The following C14orf93 variants were observed in gnomAD, a reference collection of about 807,000 sequenced individuals.
The protein encoded by C14orf93 is chromosome 14 open reading frame 93.
A neutral mutation model predicts 44.0 loss-of-function variants in C14orf93; 23 were observed. The observed-to-expected ratio is 0.52, with a 90% CI of 0.38 to 0.74. C14orf93 has a LOEUF of 0.74. Ranked by LOEUF, C14orf93 falls within the 30% of genes least tolerant of loss-of-function variation. The pLI is 0.00. For missense variants in C14orf93, 579 were observed against 678.9 expected, an observed-to-expected ratio of 0.85 and a Z score of 1.64; for synonymous variants, 253 against 265.7, an observed-to-expected ratio of 0.95 and a Z score of 0.46.
chr14:22,987,193 G>C lies in C14orf93; in HGVS notation c.*22C>G. 6.3e-7 allele frequency: 1 copy of C among 1,587,696 alleles called. No individual in the cohort carries two copies. Among genetic ancestry groups the C allele is most frequent in the Non-Finnish European group, 8.6e-7 (1 of 1,164,128 alleles). ...GAGACATGGGGCATGGCGGAAGCCA[G>C]AGTTATTCTTGGCTGTAGATTTTAT... On this transcript the variant is annotated 3_prime_UTR_variant, in exon 7 of 7. Transcript: ENST00000299088. The surrounding 1 kb of genome is among the most constrained non-coding windows in gnomAD (Gnocchi z 5.6).
intron 2 of C14orf93, 46 bp downstream of exon 2, chr14:22,998,381 C>G (rs2046116813): frequency 6.9e-7 from 1 of 1,452,196 alleles, no homozygotes; most frequent in Admixed American, 2.8e-5. Context: ...GAGTGAAAAG[C>G]CAGGAAAAGC....
intron 5 of C14orf93, 79 bp from the exon 6 acceptor site, chr14:22,988,094 C>A: frequency 2.2e-6 from 2 of 913,386 alleles, no homozygotes; most frequent in Non-Finnish European, 1.8e-6. Flanking sequence ...TGCCCTAACA[C>A]TATTGAATGG....
chr14:22,989,121 CG>C (rs2045429027), intron 5 of C14orf93, among the ~76,000 whole-genome samples: 1 of 152,124 alleles, frequency 6.6e-6, no homozygotes, highest in South Asian at 2.1e-4. Flanking sequence ...GCTGGGACTA[CG>C]TCATGCATGC....
Position 22,995,850 on chromosome 14 carries a change from C to T in C14orf93, c.918+98G>A, listed in dbSNP as rs565490764. On this transcript the variant is annotated intron_variant, in intron 3 of 6. Transcript: ENST00000299088. Reference sequence around the variant, plus strand: ...CCCACTCTGGTAGGATTCAGTACAGCATTCATTCAATATGGGAGGCCTAAA... The same window carrying T: ...CCCACTCTGGTAGGATTCAGTACAGTATTCATTCAATATGGGAGGCCTAAA... The T allele has an allele frequency of 2.1e-5, 24 of 1,164,478 alleles. No homozygotes were observed. The Admixed American group carries it at 4.8e-4, about 23-fold the overall frequency. 72.1% of individuals were successfully genotyped at this position (1,164,478 alleles called of 1,614,324 possible). A position where few individuals can be genotyped will look rare whatever the true frequency, so the allele number is the denominator to read the frequency against.
At position 23,003,602 on chromosome 14, in the gene C14orf93, A is replaced by G. The variant is rs181736962; in HGVS notation, c.-379-4200T>C. ...TCAGTTCGAGACCAGCCTGGCCAAC[A>G]TGGTGAAACCCTGTCTCTACTAAAG... On this transcript the variant is annotated intron_variant, in intron 1 of 6. Transcript: ENST00000299088. 3.0e-3 allele frequency among the ~76,000 whole-genome samples: 451 copies of G among 152,156 alleles called. 1 individual carries two copies. Among genetic ancestry groups the G allele is most frequent in the Non-Finnish European group, 3.4e-3 (228 of 68,016 alleles).
chr14:22,987,053 C>G lies in C14orf93; in HGVS notation c.*162G>C. On this transcript the variant is annotated 3_prime_UTR_variant, in exon 7 of 7. Coordinates refer to ENST00000299088, the MANE Select transcript of C14orf93 (RefSeq NM_021944.4). This position sits in a 1 kb window ranked among gnomAD's most constrained non-coding sequence, Gnocchi z 5.6. ...CTCCCCTTCTAGATAAGTTTTTATC[C>G]CACCAGTGTTCTGCTTCCCCAGTAG... 1 of 739,828 alleles carries G rather than the reference C, an allele frequency of 1.4e-6. No individual in the cohort carries two copies. Among genetic ancestry groups the G allele is most frequent in the East Asian group, 2.7e-5 (1 of 36,962 alleles). The allele number at this position is 739,828 out of a possible 1,614,324, so 45.8% of individuals were successfully genotyped here.
chr14:23,003,888 ATATATATATATTTTTTTTTTTTTTT>A (rs1295003968), intron 1 of C14orf93, among the ~76,000 whole-genome samples: 1 of 15,750 alleles, frequency 6.3e-5, no homozygotes, highest in African/African-American at 3.6e-4. Context: ...ATATATATAT[ATATATATATATTTTTTTTTTTTTTT>A]TTTTTTTTTT....
In C14orf93 at chr14:22,987,587, G is replaced by A; in HGVS notation, c.1245C>T (p.Asp415=). The part of the protein sequence containing the change: ...SSIMRHFGPE[D]QRLWNDVTEE... ...CTGTCACATCATTCCACAGACGTTGGTCCTCAGGTCCAAAATGCCTCATGA... is the reference window on the plus strand; with the variant it reads ...CTGTCACATCATTCCACAGACGTTGATCCTCAGGTCCAAAATGCCTCATGA... Residue 415 remains aspartate (D), a synonymous_variant, in exon 7 of 7, where the codon GAC becomes GAT. Transcript: ENST00000299088. This position sits in a 1 kb window ranked among gnomAD's most constrained non-coding sequence, Gnocchi z 5.6. The A allele has an allele frequency of 6.2e-7, 1 of 1,611,734 alleles. No homozygotes were observed. The highest frequency in any genetic ancestry group is 8.5e-7 in the Non-Finnish European group (1 of 1,178,694).
intron 1 of C14orf93, chr14:23,000,980 A>G (rs1471533914): frequency 6.6e-6 from 1 of 152,210 alleles, no homozygotes; most frequent in Non-Finnish European, 1.5e-5. Flanking sequence ...GCTTAACTCA[A>G]ATACATTTAC....
chr14:22,992,525 G>C (rs2045711966), intron 3 of C14orf93, among the ~76,000 whole-genome samples: 1 of 149,934 alleles, frequency 6.7e-6, no homozygotes, highest in South Asian at 2.1e-4. Flanking sequence ...TCTGTTCCCA[G>C]TTTTGCCCAT....
chr14:22,998,143 C>T lies in C14orf93; in HGVS notation c.597+284G>A, dbSNP rs140173432. 3.4e-3 allele frequency: 1,275 copies of T among 378,276 alleles called. 7 individuals are homozygous for T. The highest frequency in any genetic ancestry group is 4.2e-3 in the Non-Finnish European group (895 of 212,650). The allele number at this position is 378,276 out of a possible 1,614,324, so 23.4% of individuals were successfully genotyped here. A position where few individuals can be genotyped will look rare whatever the true frequency, so the allele number is the denominator to read the frequency against. On this transcript the variant is annotated intron_variant, in intron 2 of 6. Coordinates refer to ENST00000299088, the MANE Select transcript of C14orf93 (RefSeq NM_021944.4). Reference sequence around the variant, plus strand: ...GGAGAGGCAGAGTCCATGGAGCAGCCGAGACAGCTGTGGAAGAGAAGGTGC... The same window carrying T: ...GGAGAGGCAGAGTCCATGGAGCAGCTGAGACAGCTGTGGAAGAGAAGGTGC...
chr14:22,987,701 G>C lies in C14orf93; in HGVS notation c.1198-67C>G, dbSNP rs1265194541. 2.0e-6 allele frequency: 3 copies of C among 1,481,678 alleles called. No homozygotes were observed. Among genetic ancestry groups the C allele is most frequent in the Non-Finnish European group, 2.7e-6 (3 of 1,106,078 alleles). The allele number at this position is 1,481,678 out of a possible 1,614,324, so 91.8% of individuals were successfully genotyped here. A position where few individuals can be genotyped will look rare whatever the true frequency, so the allele number is the denominator to read the frequency against. ...TCTATGGATTAGATTTGGGGAAAAG[G>C]TTTGGTGGGGAAGGCTGTGTAAAAT... On this transcript the variant is annotated intron_variant, in intron 6 of 6. Coordinates refer to ENST00000299088, the MANE Select transcript of C14orf93 (RefSeq NM_021944.4). This position sits in a 1 kb window ranked among gnomAD's most constrained non-coding sequence, Gnocchi z 5.6.
intron 1 of C14orf93, chr14:23,006,697 C>T (rs905921508): frequency 6.6e-6 from 1 of 152,174 alleles, no homozygotes; most frequent in Non-Finnish European, 1.5e-5. Flanking sequence ...CAAGGTGGAC[C>T]CCAGGGAGGG....
chr14:22,989,956 G>A, intron 4 of C14orf93, 110 bp downstream of exon 4: 1 of 1,410,190 alleles, frequency 7.1e-7, no homozygotes, highest in East Asian at 2.3e-5. Flanking sequence ...AGCCTAAGAA[G>A]GTATGGTGAG....
At chr14:23,002,416 C>T (rs1441656428) in intron 1 of C14orf93, among the ~76,000 whole-genome samples, 1 of 145,720 alleles carries the variant, frequency 6.9e-6, no homozygotes, top group Non-Finnish European at 1.5e-5. Flanking sequence ...CACGCCACTG[C>T]ACTCCAGACT....
rs2045233638 is a variant in C14orf93, at chr14:22,986,503, G to A, written c.*712C>T. On this transcript the variant is annotated 3_prime_UTR_variant, in exon 7 of 7. Transcript: ENST00000299088. ...CCCTTCCTCAAAATACAGCTTGGCT[G>A]ACAGGACCAAGAAACAGCTACAAAG... The A allele has an allele frequency of 6.6e-6, 1 of 152,308 alleles. No homozygotes were observed. Among genetic ancestry groups the A allele is most frequent in the Non-Finnish European group, 1.5e-5 (1 of 68,148 alleles). The allele number at this position is 152,308 out of a possible 1,614,324, so 9.4% of individuals were successfully genotyped here. A position where few individuals can be genotyped will look rare whatever the true frequency, so the allele number is the denominator to read the frequency against.
chr14:22,998,382 C>A, intron 2 of C14orf93, 45 bp downstream of exon 2: 1 of 1,453,196 alleles, frequency 6.9e-7, no homozygotes, highest in Non-Finnish European at 9.1e-7. Flanking sequence ...AGTGAAAAGC[C>A]AGGAAAAGCA....
Position 22,996,229 on chromosome 14 carries a change from G to C in C14orf93, c.637C>G (p.Arg213Gly), listed in dbSNP as rs766879288. Residue 213 changes from arginine to glycine, a missense_variant, in exon 3 of 7, where the codon CGA becomes GGA. Coordinates refer to ENST00000299088, the MANE Select transcript of C14orf93 (RefSeq NM_021944.4). This position sits in a 1 kb window ranked among gnomAD's most constrained non-coding sequence, Gnocchi z 4.1. ...DYVASEGAVQ[R>G]VLVPAYAKQL... ...TTGGCATAAGCAGGGACCAGAACTC[G>C]CTGTACTGCACCCTCAGAGGCCACG... 2.5e-6 allele frequency: 4 copies of C among 1,597,372 alleles called. No individual in the cohort carries two copies. The highest frequency in any genetic ancestry group is 3.4e-6 in the Non-Finnish European group (4 of 1,169,126).
intron 1 of C14orf93, 153 bp downstream of exon 1, chr14:23,009,948 G>T (rs1399902327): frequency 6.6e-6 from 1 of 152,116 alleles, no homozygotes; most frequent in East Asian, 1.9e-4. Context: ...CCAGGAAAAA[G>T]AAAGAGGAAG....
Sources: gnomAD v4.1 joint callset for allele counts (sites outside exome capture counted in the v4.1 genomes callset) on GRCh38, gnomAD v4.1.1 for gene constraint, Gnocchi (gnomAD v3.1) non-coding constraint, MANE v1.5 for transcripts, NCBI Gene and HGNC (gene_info 2026-07-23, HGNC 2026-07-21) for gene names.